Variants in PDS5B observed in about 807,000 individuals in gnomAD.
The protein encoded by PDS5B is PDS5 cohesin associated factor B.
In PDS5B, 51 loss-of-function variants were observed where a neutral mutation model predicts 184.1. The observed-to-expected ratio is 0.28, with a 90% CI of 0.22 to 0.35. The LOEUF (loss-of-function observed/expected upper bound fraction) is 0.35. Ranked by LOEUF, PDS5B falls within the 10% of genes least tolerant of loss-of-function variation. The pLI is 1.00. For missense variants in PDS5B, 1,180 were observed against 1,723.3 expected, an observed-to-expected ratio of 0.68 and a Z score of 5.58; for synonymous variants, 566 against 569.2, an observed-to-expected ratio of 0.99 and a Z score of 0.08.
At chr13:32,743,756 A>G (rs1593581290) in intron 23 of PDS5B, among the ~76,000 whole-genome samples, 1 of 152,134 alleles carries the variant, frequency 6.6e-6, no homozygotes, top group African/African-American at 2.4e-5. Flanking sequence ...TTGGTAAGCT[A>G]TTCATTCTGT....
At chr13:32,748,246 GTC>G (rs1953832532) in intron 24 of PDS5B, among the ~76,000 whole-genome samples, 1 of 152,034 alleles carries the variant, frequency 6.6e-6, no homozygotes, top group African/African-American at 2.4e-5. Context: ...ATCTATCTTT[GTC>G]TCTCTTACTC....
chr13:32,686,830 T>A (rs1951407455), intron 11 of PDS5B, among the ~76,000 whole-genome samples: 2 of 152,190 alleles, frequency 1.3e-5, no homozygotes, highest in Admixed American at 1.3e-4. Context: ...TCACCAATTT[T>A]AAGTCACAGT....
chr13:32,704,096 A>G (rs533458522), intron 17 of PDS5B, among the ~76,000 whole-genome samples: 2 of 152,148 alleles, frequency 1.3e-5, no homozygotes, highest in East Asian at 3.9e-4. Context: ...CTTTGGTATC[A>G]TATTAATAGC....
Position 32,706,995 on chromosome 13 carries a change from GTTCCAACT to G in PDS5B, c.1919_1926del (p.Val640GlyfsTer9). The G allele has an allele frequency of 6.2e-7, 1 of 1,610,916 alleles. No homozygotes were observed. Among genetic ancestry groups the G allele is most frequent in the Non-Finnish European group, 8.5e-7 (1 of 1,178,484 alleles). ...AACAGCAGATGATGAAGATGAGGGTGTTCCAACTGATCAAGCCATCAGAGCAGGTCTTG... is the reference window on the plus strand; with the variant it reads ...AACAGCAGATGATGAAGATGAGGGTGGATCAAGCCATCAGAGCAGGTCTTG... On this transcript the variant is annotated frameshift_variant, in exon 18 of 35. Transcript: ENST00000315596. LOFTEE classifies it high-confidence loss of function.
At chr13:32,697,620 C>A (rs937300215) in intron 15 of PDS5B, among the ~76,000 whole-genome samples, 2 of 152,100 alleles carry the variant, frequency 1.3e-5, no homozygotes, top group Non-Finnish European at 2.9e-5. Flanking sequence ...ACTTTAAGAC[C>A]AAAATGTTCT....
intron 26 of PDS5B, 133 bp from the exon 27 acceptor site, chr13:32,757,954 T>G (rs1182763125): frequency 5.1e-5 from 22 of 427,632 alleles, no homozygotes; most frequent in African/African-American, 2.1e-5. Flanking sequence ...GGTTTGTAAC[T>G]GTTTCTTTTT....
intron 21 of PDS5B, among the ~76,000 whole-genome samples, chr13:32,738,907 C>A (rs1042149775): frequency 1.3e-5 from 2 of 151,986 alleles, no homozygotes; most frequent in African/African-American, 2.4e-5. Context: ...CCTGAACTCA[C>A]GTGATCCACC....
intron 1 of PDS5B, among the ~76,000 whole-genome samples, chr13:32,594,677 T>C (rs1407184374): frequency 6.6e-6 from 1 of 152,208 alleles, no homozygotes; most frequent in Non-Finnish European, 1.5e-5. Flanking sequence ...TGCAATGCTT[T>C]TTGAAGTCTT....
chr13:32,741,301 G>C (rs779411514), intron 22 of PDS5B, among the ~76,000 whole-genome samples, 153 bp downstream of exon 22: 14 of 152,026 alleles, frequency 9.2e-5, no homozygotes, highest in African/African-American at 2.7e-4. Flanking sequence ...AGACTATAGG[G>C]TAATAATGAG....
chr13:32,635,545 T>G (rs1193143097), intron 1 of PDS5B, among the ~76,000 whole-genome samples: 1 of 150,836 alleles, frequency 6.6e-6, no homozygotes, highest in Non-Finnish European at 1.5e-5. Flanking sequence ...GGTTTCACCA[T>G]GTTGGCCAGG....
intron 22 of PDS5B, among the ~76,000 whole-genome samples, chr13:32,742,182 G>T (rs1468346423): frequency 6.6e-6 from 1 of 152,170 alleles, no homozygotes; most frequent in Non-Finnish European, 1.5e-5. Context: ...AGTAATGGGT[G>T]TAAAAATACT....
chr13:32,608,940 T>C (rs970568608), intron 1 of PDS5B, among the ~76,000 whole-genome samples: 1 of 152,206 alleles, frequency 6.6e-6, no homozygotes, highest in Admixed American at 6.5e-5. Context: ...CACTTTTGTC[T>C]TCTAAATTTC....
intron 29 of PDS5B, among the ~76,000 whole-genome samples, chr13:32,760,019 C>G (rs576531332): frequency 6.6e-6 from 1 of 151,844 alleles, no homozygotes; most frequent in South Asian, 2.1e-4. Context: ...TGCAGTGGCG[C>G]ATCTCGGCTC....
intron 19 of PDS5B, among the ~76,000 whole-genome samples, chr13:32,729,908 A>G (rs1953047946): frequency 6.6e-6 from 1 of 152,144 alleles, no homozygotes; most frequent in South Asian, 2.1e-4. Context: ...GTTCACTCTG[A>G]TGATAAGTTT....
At chr13:32,713,196 G>C (rs1952262989) in intron 19 of PDS5B, among the ~76,000 whole-genome samples, 1 of 152,182 alleles carries the variant, frequency 6.6e-6, no homozygotes, top group Non-Finnish European at 1.5e-5. Context: ...ACTTAGCCAG[G>C]TGATGAAGCA....
At chr13:32,648,955 G>A (rs2064435380) in intron 2 of PDS5B, 75 bp downstream of exon 2, 1 of 761,494 alleles carries the variant, frequency 1.3e-6, no homozygotes, top group Admixed American at 2.0e-5. Context: ...GGGCTATAAT[G>A]TATCTTGTTG....
chr13:32,599,171 A>G (rs912576692), intron 1 of PDS5B, among the ~76,000 whole-genome samples: 3 of 152,292 alleles, frequency 2.0e-5, no homozygotes, highest in Admixed American at 1.3e-4. Flanking sequence ...AGTTATTGTC[A>G]TATAAATATA....
At chr13:32,717,842 C>G (rs748208999) in intron 19 of PDS5B, among the ~76,000 whole-genome samples, 3 of 150,862 alleles carry the variant, frequency 2.0e-5, no homozygotes, top group Non-Finnish European at 4.4e-5. Context: ...CACTCATTTT[C>G]TTTACAGCCA....
intron 31 of PDS5B, among the ~76,000 whole-genome samples, chr13:32,769,253 A>G (rs1213289085): frequency 6.6e-6 from 1 of 152,254 alleles, no homozygotes; most frequent in Non-Finnish European, 1.5e-5. Flanking sequence ...GACAAAGGAC[A>G]CAATACGAAG....
Sources: allele counts gnomAD v4.1 joint callset (sites outside exome capture counted in the v4.1 genomes callset), GRCh38; gene constraint gnomAD v4.1.1; transcripts MANE v1.5; gene names NCBI Gene and HGNC (gene_info 2026-07-23, HGNC 2026-07-21).